Variants in SPIDR observed in about 807,000 individuals in gnomAD.
SPIDR encodes scaffold protein involved in DNA repair.
A neutral mutation model predicts 104.6 loss-of-function variants in SPIDR; 93 were observed. The ratio of observed to expected loss-of-function variants is 0.89; its 90% CI spans 0.75 to 1.06. The LOEUF (loss-of-function observed/expected upper bound fraction) is 1.06. Ranked by LOEUF, SPIDR falls within the 50% of genes least tolerant of loss-of-function variation. The pLI, the probability that SPIDR is intolerant of heterozygous loss-of-function variation, is 0.00. For missense variants in SPIDR, 1,154 were observed against 1,111.2 expected, an observed-to-expected ratio of 1.04 and a Z score of -0.55; for synonymous variants, 431 against 416.9, an observed-to-expected ratio of 1.03 and a Z score of -0.41.
chr8:47,444,457 G>A (rs536426124), intron 8 of SPIDR, among the ~76,000 whole-genome samples: 4 of 152,338 alleles, frequency 2.6e-5, no homozygotes, highest in Non-Finnish European at 4.4e-5. Context: ...CTGGAAGAGC[G>A]AAGTCTGACT....
At position 47,534,039 on chromosome 8, in the gene SPIDR, T is replaced by C. The variant is rs570059569; in HGVS notation, c.1098-61772T>C. On this transcript the variant is annotated intron_variant, in intron 8 of 19. Transcript: ENST00000297423. ...ATGGGGACCATTTTTCCTGTGCTGT[T>C]CTAGTGATAGTGAGTGAGTTCTCAT... Among the ~76,000 whole-genome samples, 5 of 152,306 alleles carry C rather than the reference T, an allele frequency of 3.3e-5. No individual in the cohort carries two copies. The South Asian group carries it at 8.3e-4, about 25-fold the overall frequency.
At chr8:47,602,052 A>G (rs1202804064) in intron 10 of SPIDR, among the ~76,000 whole-genome samples, 1 of 152,282 alleles carries the variant, frequency 6.6e-6, no homozygotes. Context: ...CTTAGAGAAT[A>G]TATCTGCCTT....
intron 5 of SPIDR, among the ~76,000 whole-genome samples, chr8:47,341,473 C>A (rs879990941): frequency 2.6e-5 from 4 of 151,956 alleles, no homozygotes; most frequent in Non-Finnish European, 2.9e-5. Context: ...AAATTGGGAA[C>A]TAAAAAGTAT....
chr8:47,524,557 C>T (rs191842260), intron 8 of SPIDR, among the ~76,000 whole-genome samples: 2 of 152,304 alleles, frequency 1.3e-5, no homozygotes, highest in East Asian at 1.9e-4. Flanking sequence ...TCCTCAGAGC[C>T]GTGGGACAAC....
chr8:47,735,095 GGTGTGTGTGT>G (rs146992468), intron 19 of SPIDR, among the ~76,000 whole-genome samples: 5 of 146,042 alleles, frequency 3.4e-5, no homozygotes, highest in Non-Finnish European at 7.5e-5. Flanking sequence ...TGGGTGTGTG[GGTGTGTGTGT>G]GTGTGGGTGT....
At chr8:47,474,534 T>C (rs1554722717) in intron 8 of SPIDR, among the ~76,000 whole-genome samples, 1 of 152,202 alleles carries the variant, frequency 6.6e-6, no homozygotes, top group Non-Finnish European at 1.5e-5. Context: ...CGGGCAGCTC[T>C]TTGCCTTTAG....
rs543944495 is a variant in SPIDR, at chr8:47,674,379, G to T, written c.1685+438G>T. 2.6e-4 allele frequency among the ~76,000 whole-genome samples: 40 copies of T among 152,236 alleles called. No homozygotes were observed. In the South Asian group the frequency reaches 8.1e-3, roughly 31 times the overall value. ...CCAAAGTAAGCAAGCATTGTTCTCTGCCAGGTTTCATGGCACCTCGCCCTA... is the reference window on the plus strand; with the variant it reads ...CCAAAGTAAGCAAGCATTGTTCTCTTCCAGGTTTCATGGCACCTCGCCCTA... On this transcript the variant is annotated intron_variant, in intron 11 of 19. Transcript: ENST00000297423.
intron 10 of SPIDR, among the ~76,000 whole-genome samples, chr8:47,655,596 T>C (rs1332073695): frequency 6.6e-6 from 1 of 152,230 alleles, no homozygotes; most frequent in Non-Finnish European, 1.5e-5. Flanking sequence ...TGTAAATTTG[T>C]TGGAGTTCAT....
intron 11 of SPIDR, among the ~76,000 whole-genome samples, chr8:47,689,214 C>T (rs1274116838): frequency 6.6e-6 from 1 of 152,196 alleles, no homozygotes; most frequent in Admixed American, 6.5e-5. Context: ...TCATGACCCC[C>T]AGGCAGGGCC....
At chr8:47,295,624 A>T (rs1374460056) in intron 5 of SPIDR, among the ~76,000 whole-genome samples, 1 of 152,160 alleles carries the variant, frequency 6.6e-6, no homozygotes, top group East Asian at 1.9e-4. Flanking sequence ...GTTGCAAATG[A>T]TAGAATTTCC....
At chr8:47,519,793 A>G (rs2083759166) in intron 8 of SPIDR, among the ~76,000 whole-genome samples, 1 of 152,202 alleles carries the variant, frequency 6.6e-6, no homozygotes, top group South Asian at 2.1e-4. Flanking sequence ...TCAACAAACA[A>G]AAAAGATACT....
chr8:47,510,974 G>T (rs2082230014), intron 8 of SPIDR: 2 of 654,364 alleles, frequency 3.1e-6, no homozygotes, highest in Admixed American at 4.5e-5. Context: ...GATCCCCATG[G>T]GGCATGGCCA....
intron 3 of SPIDR, among the ~76,000 whole-genome samples, chr8:47,284,803 C>T (rs2038499412): frequency 1.3e-5 from 2 of 152,176 alleles, no homozygotes; most frequent in Admixed American, 6.5e-5. Context: ...CAAACGGTCA[C>T]CTCCACTAAA....
intron 16 of SPIDR, among the ~76,000 whole-genome samples, chr8:47,714,074 C>A (rs547484453): frequency 1.3e-5 from 2 of 152,198 alleles, no homozygotes; most frequent in South Asian, 4.2e-4. Context: ...TGGGAAGAGG[C>A]AGGACAGGCA....
intron 8 of SPIDR, chr8:47,511,677 G>C (rs2082347746): frequency 1.2e-6 from 1 of 861,590 alleles, no homozygotes; most frequent in Non-Finnish European, 2.0e-6. Flanking sequence ...CTGCCCCAAG[G>C]CCATAGCCAT....
At chr8:47,526,737 C>T (rs1245856673) in intron 8 of SPIDR, among the ~76,000 whole-genome samples, 1 of 152,168 alleles carries the variant, frequency 6.6e-6, no homozygotes, top group East Asian at 1.9e-4. Context: ...GTTCTGACTT[C>T]TGGTTTCTAG....
chr8:47,677,034 CTG>C (rs1280159960), intron 11 of SPIDR, among the ~76,000 whole-genome samples: 1 of 152,240 alleles, frequency 6.6e-6, no homozygotes, highest in Non-Finnish European at 1.5e-5. Flanking sequence ...GGTTTAAAAA[CTG>C]TACAGTTTTC....
chr8:47,684,776 A>G (rs1480606020), intron 11 of SPIDR, among the ~76,000 whole-genome samples: 1 of 152,248 alleles, frequency 6.6e-6, no homozygotes, highest in Non-Finnish European at 1.5e-5. Flanking sequence ...GAAAAATGAT[A>G]CAGTTTGAAA....
intron 1 of SPIDR, among the ~76,000 whole-genome samples, chr8:47,262,880 A>G (rs574283713): frequency 6.6e-6 from 1 of 152,126 alleles, no homozygotes; most frequent in Non-Finnish European, 1.5e-5. Flanking sequence ...GCCGGCTAGC[A>G]TGCTCCCATT....
Sources: allele counts gnomAD v4.1 joint callset (sites outside exome capture counted in the v4.1 genomes callset), GRCh38; gene constraint gnomAD v4.1.1; transcripts MANE v1.5; gene names NCBI Gene and HGNC (gene_info 2026-07-23, HGNC 2026-07-21).